Variants in GLMN observed in about 807,000 individuals in gnomAD.
The protein encoded by GLMN is glomulin, FKBP associated protein.
A neutral mutation model predicts 87.8 loss-of-function variants in GLMN; 75 were observed. The observed-to-expected ratio is 0.85, with a 90% CI of 0.71 to 1.04. The LOEUF (loss-of-function observed/expected upper bound fraction) is 1.04, where lower values mean the gene tolerates loss of function less well. Among genes scored for constraint, GLMN ranks in the 50% least tolerant of loss-of-function variants. GLMN has a pLI of 0.00. For synonymous variants in GLMN, 206 were observed against 221.6 expected (o/e 0.93, Z 0.63); for missense variants, 588 against 658.8 (o/e 0.89, Z 1.18).
chr1:92,351,258 G>A, the GLMN span, among the ~76,000 whole-genome samples: 2 of 124,548 alleles, frequency 1.6e-5, no homozygotes, highest in Admixed American at 1.1e-4. Context: ...AGTAAGCCAA[G>A]ATTGCGCCAC....
the GLMN span, among the ~76,000 whole-genome samples, chr1:92,317,279 C>G: frequency 6.6e-6 from 1 of 152,034 alleles, no homozygotes; most frequent in Non-Finnish European, 1.5e-5. Flanking sequence ...GAGGCCGAGG[C>G]GGGTGAATCA....
the GLMN span, chr1:92,323,806 A>G: frequency 1.9e-6 from 3 of 1,614,002 alleles, no homozygotes; most frequent in Non-Finnish European, 2.5e-6. Context: ...ACAGAAAGTA[A>G]ATACTCAGAG....
At chr1:92,304,202 T>C in the GLMN span, 3,611 of 1,121,754 alleles carry the variant, frequency 3.2e-3, 79 homozygotes, top group African/African-American at 0.048. Context: ...AATGATATGA[T>C]ATGTAGATGA....
the GLMN span, among the ~76,000 whole-genome samples, chr1:92,345,379 T>TTA: frequency 1.4e-5 from 1 of 73,770 alleles, no homozygotes; most frequent in Non-Finnish European, 2.6e-5. Flanking sequence ...CCCGTTTCTT[T>TTA]AAAAAAAAAA....
At chr1:92,344,564 T>A in the GLMN span, among the ~76,000 whole-genome samples, 1 of 152,238 alleles carries the variant, frequency 6.6e-6, no homozygotes, top group Admixed American at 6.5e-5. Context: ...AAAACCCATT[T>A]TTTTAACACA....
the GLMN span, among the ~76,000 whole-genome samples, chr1:92,320,279 CT>C: frequency 2.0e-5 from 3 of 151,000 alleles, no homozygotes; most frequent in Non-Finnish European, 4.4e-5. Flanking sequence ...TAATTTTTTT[CT>C]TTTTTTTTCT....
chr1:92,263,516 A>G lies in GLMN; in HGVS notation c.1409+107T>C, dbSNP rs1655270143. On this transcript the variant is annotated intron_variant, in intron 15 of 18. Transcript: ENST00000370360. Reference sequence around the variant, plus strand: ...ATGTAACTTAATGAATTAGCCATAGATCATAAAATCACAGGAAAAGACATT... The same window carrying G: ...ATGTAACTTAATGAATTAGCCATAGGTCATAAAATCACAGGAAAAGACATT... 7 of 764,376 alleles carry G rather than the reference A, an allele frequency of 9.2e-6. No individual in the cohort carries two copies. In the South Asian group the frequency reaches 9.7e-5, roughly 11 times the overall value. 47.3% of individuals were successfully genotyped at this position (764,376 alleles called of 1,614,324 possible).
At chr1:92,297,199 G>A (rs1304789470) in intron 3 of GLMN, among the ~76,000 whole-genome samples, 1 of 147,376 alleles carries the variant, frequency 6.8e-6, no homozygotes, top group African/African-American at 2.5e-5. Flanking sequence ...TGATCTGCCT[G>A]CCTTGGCCTC....
At chr1:92,329,899 C>A in the GLMN span, among the ~76,000 whole-genome samples, 1 of 152,112 alleles carries the variant, frequency 6.6e-6, no homozygotes, top group Non-Finnish European at 1.5e-5. Flanking sequence ...ATTAAGTAAT[C>A]TGAGGAAAGT....
At chr1:92,343,161 A>T in the GLMN span, among the ~76,000 whole-genome samples, 4 of 152,192 alleles carry the variant, frequency 2.6e-5, no homozygotes, top group African/African-American at 9.6e-5. Context: ...GAGAGTGCTC[A>T]TGAGAGGTGG....
At chr1:92,258,346 G>A (rs368196691) in intron 16 of GLMN, among the ~76,000 whole-genome samples, 3 of 152,096 alleles carry the variant, frequency 2.0e-5, no homozygotes, top group African/African-American at 4.8e-5. Flanking sequence ...ACAGTGTGGC[G>A]ATTCCTCAAG....
the GLMN span, chr1:92,333,501 T>C: frequency 6.8e-7 from 1 of 1,480,116 alleles, no homozygotes; most frequent in Non-Finnish European, 9.4e-7. Context: ...ATTCCAGCTT[T>C]GTAGTAGTTT....
the GLMN span, among the ~76,000 whole-genome samples, chr1:92,345,340 G>A: frequency 1.4e-5 from 2 of 141,114 alleles, no homozygotes; most frequent in Non-Finnish European, 3.0e-5. Flanking sequence ...AAGAGCCACT[G>A]CACTGCAGCC....
At chr1:92,347,687 T>G in the GLMN span, among the ~76,000 whole-genome samples, 2 of 152,138 alleles carry the variant, frequency 1.3e-5, no homozygotes, top group African/African-American at 4.8e-5. Context: ...AAAGTAAACC[T>G]CTCTAGTGTT....
At chr1:92,301,707 G>A (rs1557585808), upstream of GLMN, 1 of 445,550 alleles carries the variant, frequency 2.2e-6, no homozygotes, top group Non-Finnish European at 4.0e-6. Flanking sequence ...ATTAGATGCA[G>A]ATAACAATCC....
At chr1:92,314,392 T>C in the GLMN span, among the ~76,000 whole-genome samples, 1 of 151,898 alleles carries the variant, frequency 6.6e-6, no homozygotes, top group African/African-American at 2.4e-5. Flanking sequence ...TTATTTATTC[T>C]AAGTTGCATA....
rs565880980 is a variant in GLMN at position 92,290,390 on chromosome 1, C to T, written c.286-84G>A. 2,443 of 788,348 alleles carry T rather than the reference C, an allele frequency of 3.1e-3. 20 individuals are homozygous for T. The highest frequency in any genetic ancestry group is 0.013 in the Middle Eastern group (41 of 3,044). The allele number at this position is 788,348 out of a possible 1,614,324, so 48.8% of individuals were successfully genotyped here. A position where few individuals can be genotyped will look rare whatever the true frequency, so the allele number is the denominator to read the frequency against. On this transcript the variant is annotated intron_variant, in intron 4 of 18. Transcript: ENST00000370360. ...TTACTATTTTTAAGAAGGCATGTAT[C>T]GACAAAATATTATACAATTATGTTT...
chr1:92,321,818 G>A, the GLMN span, among the ~76,000 whole-genome samples: 1 of 150,842 alleles, frequency 6.6e-6, no homozygotes, highest in African/African-American at 2.4e-5. Context: ...AGAATTTTCT[G>A]TACAACAATC....
the GLMN span, chr1:92,363,762 TAATG>T: frequency 3.0e-6 from 1 of 329,224 alleles, no homozygotes. Flanking sequence ...TACTTCCACT[TAATG>T]AATAGTAAAT....
Sources: gnomAD v4.1 joint callset for allele counts (sites outside exome capture counted in the v4.1 genomes callset) on GRCh38, gnomAD v4.1.1 for gene constraint, MANE v1.5 for transcripts, NCBI Gene and HGNC (gene_info 2026-07-23, HGNC 2026-07-21) for gene names.